Variants in UBN2 observed in about 807,000 individuals in gnomAD.
UBN2 encodes the protein ubinuclein 2, also known as ubinuclein-2.
A neutral mutation model predicts 120.2 loss-of-function variants in UBN2; 35 were observed. That is an observed-to-expected ratio of 0.29 (90% CI 0.22 to 0.39). The LOEUF is 0.39. Among genes scored for constraint, UBN2 ranks in the 10% least tolerant of loss-of-function variants. The probability of loss-of-function intolerance (pLI) is 1.00; values close to 1 mark genes in which losing one functional copy is unlikely to be tolerated. For missense variants in UBN2, 1,693 were observed against 1,663.2 expected (o/e 1.02, Z -0.31); for synonymous variants, 661 against 648.7 (o/e 1.02, Z -0.29).
At chr7:139,324,855 C>G in the UBN2 span, among the ~76,000 whole-genome samples, 1 of 151,934 alleles carries the variant, frequency 6.6e-6, no homozygotes, top group East Asian at 1.9e-4. Flanking sequence ...CCTGTAATGC[C>G]AGCTACTTGG....
In UBN2 at chr7:139,281,996, A is replaced by G. The variant is rs1280137933; in HGVS notation, c.2068-9A>G. On this transcript the variant is annotated splice_polypyrimidine_tract_variant and intron_variant, in intron 13 of 17. Coordinates refer to ENST00000473989, the MANE Select transcript of UBN2 (RefSeq NM_173569.4). ...GTATTCTTAACAGCTTGCTTATGTA[A>G]TACCTTAGGAGGTGATGGTAAAGAC... 3 of 1,612,832 alleles carry G rather than the reference A, an allele frequency of 1.9e-6. No homozygotes were observed. Among genetic ancestry groups the G allele is most frequent in the Non-Finnish European group, 2.5e-6 (3 of 1,179,166 alleles).
At chr7:139,323,555 G>GATTATT in the UBN2 span, among the ~76,000 whole-genome samples, 347 of 141,604 alleles carry the variant, frequency 2.5e-3, no homozygotes, top group East Asian at 3.9e-3. Flanking sequence ...TTCTGGACCT[G>GATTATT]ATTATTATTA....
At position 139,231,586 on chromosome 7, in the gene UBN2, G is replaced by GC. The variant is rs1796011084; in HGVS notation, c.109dup (p.Arg37ProfsTer81). The GC allele has an allele frequency of 5.6e-5, 78 of 1,391,872 alleles. No individual in the cohort carries two copies. Among genetic ancestry groups the GC allele is most frequent in the South Asian group, 1.9e-4 (12 of 63,586 alleles). The allele number at this position is 1,391,872 out of a possible 1,614,324, so 86.2% of individuals were successfully genotyped here. The stretch of plus-strand genomic sequence containing the variant: ...AGCGTGAGCCCGAGTACCCCCGCGA[G>GC]CCCCCCCGGCTGGAGCCGCAGCCGT... On this transcript the variant is annotated frameshift_variant, in exon 1 of 18. Coordinates refer to ENST00000473989, the MANE Select transcript of UBN2 (RefSeq NM_173569.4). LOFTEE classifies it high-confidence loss of function.
rs754737041 is a variant in UBN2 at position 139,283,977 on chromosome 7, G to T, written c.3072G>T (p.Thr1024=). The change falls in exon 15 of 18, where the codon ACG becomes ACT. Residue 1024 remains threonine, a synonymous_variant. Transcript: ENST00000473989. ...LAKAMVSQIS[T]QGFKSPFSMA... is the part of the protein sequence containing the mutation. The stretch of plus-strand genomic sequence containing the variant: ...AGGCTATGGTGTCACAGATCTCCAC[G>T]CAGGGTTTCAAATCTCCCTTCTCGA... 1 of 1,613,718 alleles carries T rather than the reference G, an allele frequency of 6.2e-7. No homozygotes were observed. The highest frequency in any genetic ancestry group is 2.2e-5 in the East Asian group (1 of 44,876).
At chr7:139,319,663 A>C in the UBN2 span, among the ~76,000 whole-genome samples, 2 of 152,124 alleles carry the variant, frequency 1.3e-5, no homozygotes, top group Non-Finnish European at 2.9e-5. Context: ...AGGGCAAACA[A>C]CACGTTCCTG....
In UBN2 at chr7:139,298,031, T is replaced by C; in HGVS notation, c.*195T>C. On this transcript the variant is annotated 3_prime_UTR_variant, in exon 18 of 18. Transcript: ENST00000473989. ...CAGGTGCAGGAGGAAGAAATGCTTT[T>C]GTGCAAAGTTAGTGACCTTTGGTCT... 2 of 586,580 alleles carry C rather than the reference T, an allele frequency of 3.4e-6. No individual in the cohort carries two copies. The allele number at this position is 586,580 out of a possible 1,614,324, so 36.3% of individuals were successfully genotyped here. A position where few individuals can be genotyped will look rare whatever the true frequency, so the allele number is the denominator to read the frequency against.
At chr7:139,316,947 T>TC in the UBN2 span, among the ~76,000 whole-genome samples, 1 of 151,790 alleles carries the variant, frequency 6.6e-6, no homozygotes, top group African/African-American at 2.4e-5. Context: ...CTTTTTTTTT[T>TC]CTTGAAATGG....
intron 6 of UBN2, among the ~76,000 whole-genome samples, chr7:139,262,539 T>C (rs554765910): frequency 6.6e-6 from 1 of 152,152 alleles, no homozygotes; most frequent in East Asian, 1.9e-4. Flanking sequence ...GGTGAAACCC[T>C]GTCTCTACTA....
Position 139,303,661 on chromosome 7 carries a change from G to A in UBN2, c.*5825G>A, listed in dbSNP as rs1473942054. On this transcript the variant is annotated 3_prime_UTR_variant, in exon 18 of 18. Transcript: ENST00000473989. Reference sequence around the variant, plus strand: ...AAAATATTTTGAGTTTTTGTAAAATGTCCTATATAATTAAAAATAGTATTA... The same window carrying A: ...AAAATATTTTGAGTTTTTGTAAAATATCCTATATAATTAAAAATAGTATTA... 1 of 152,092 alleles carries A rather than the reference G, an allele frequency of 6.6e-6. No individual in the cohort carries two copies. The highest frequency in any genetic ancestry group is 2.4e-5 in the African/African-American group (1 of 41,394). The allele number at this position is 152,092 out of a possible 1,614,324, so 9.4% of individuals were successfully genotyped here.
the UBN2 span, among the ~76,000 whole-genome samples, chr7:139,313,729 A>G: frequency 4.6e-5 from 7 of 152,086 alleles, no homozygotes; most frequent in African/African-American, 1.7e-4. Context: ...TTTGGTATAT[A>G]GTTTTTATGA....
chr7:139,247,772 C>T (rs1357926005), intron 2 of UBN2, among the ~76,000 whole-genome samples: 1 of 152,094 alleles, frequency 6.6e-6, no homozygotes, highest in African/African-American at 2.4e-5. Context: ...GTTAATTCCC[C>T]ATACTAGTAG....
Position 139,306,320 on chromosome 7 carries a change from A to C in UBN2, c.*8484A>C, listed in dbSNP as rs1263267567. ...TTTTTTGCTTATCCCTGCTGTTTGT[A>C]GGGTTAGTGTGCCCTCTGTCAGAAA... On this transcript the variant is annotated 3_prime_UTR_variant, in exon 18 of 18. Transcript: ENST00000473989. 1 of 152,150 alleles carries C rather than the reference A, an allele frequency of 6.6e-6. No homozygotes were observed. Among genetic ancestry groups the C allele is most frequent in the Non-Finnish European group, 1.5e-5 (1 of 68,030 alleles). 9.4% of individuals were successfully genotyped at this position (152,150 alleles called of 1,614,324 possible).
chr7:139,316,577 C>T, the UBN2 span, among the ~76,000 whole-genome samples: 1 of 152,106 alleles, frequency 6.6e-6, no homozygotes, highest in African/African-American at 2.4e-5. Context: ...AAACCTGTCT[C>T]TACTACAAAT....
At chr7:139,239,980 G>A (rs1371824173) in intron 2 of UBN2, among the ~76,000 whole-genome samples, 2 of 152,162 alleles carry the variant, frequency 1.3e-5, no homozygotes, top group Non-Finnish European at 2.9e-5. Flanking sequence ...CTACCTTAAA[G>A]TTAGCATTAA....
chr7:139,234,093 T>C (rs1037148169), intron 1 of UBN2, among the ~76,000 whole-genome samples: 2 of 152,128 alleles, frequency 1.3e-5, no homozygotes, highest in African/African-American at 4.8e-5. Flanking sequence ...TAAGTAAAAT[T>C]GTCATGGTTT....
intron 2 of UBN2, among the ~76,000 whole-genome samples, chr7:139,237,694 A>G (rs1796202414): frequency 6.6e-6 from 1 of 152,232 alleles, no homozygotes; most frequent in African/African-American, 2.4e-5. Context: ...TTCAAGATTA[A>G]GTAGCTGATA....
At position 139,269,514 on chromosome 7, in the gene UBN2, C is replaced by T. The variant is rs756111428; in HGVS notation, c.1587C>T (p.Leu529=). 8.7e-6 allele frequency: 14 copies of T among 1,613,854 alleles called. No homozygotes were observed. The highest frequency in any genetic ancestry group is 1.2e-5 in the Non-Finnish European group (14 of 1,179,984). The change falls in exon 8 of 18, where the codon CTC becomes CTT. Residue 529 remains leucine (L), a synonymous_variant. Coordinates refer to ENST00000473989, the MANE Select transcript of UBN2 (RefSeq NM_173569.4). Reference sequence around the variant, plus strand: ...TAAAACGTCTGAAGAAGTTACATCTCAATGTCCAGGTAAGAGGAAGAACAA... The same window carrying T: ...TAAAACGTCTGAAGAAGTTACATCTTAATGTCCAGGTAAGAGGAAGAACAA... ...TLVKRLKKLH[L]NVQDDRLREP...
rs558813380 is a variant in UBN2, at chr7:139,307,866, A to G, written c.*10030A>G. On this transcript the variant is annotated 3_prime_UTR_variant, in exon 18 of 18. Coordinates refer to ENST00000473989, the MANE Select transcript of UBN2 (RefSeq NM_173569.4). ...TTATCACTCCTTCCTAAGAAAAAAGAAGGGCAGGTAAATTTTTTTAACCAA... is the reference window on the plus strand; with the variant it reads ...TTATCACTCCTTCCTAAGAAAAAAGGAGGGCAGGTAAATTTTTTTAACCAA... The G allele has an allele frequency of 2.6e-4, 40 of 152,228 alleles. No individual in the cohort carries two copies. Among genetic ancestry groups the G allele is most frequent in the Middle Eastern group, 3.4e-3 (1 of 294 alleles). The allele number at this position is 152,228 out of a possible 1,614,324, so 9.4% of individuals were successfully genotyped here. A position where few individuals can be genotyped will look rare whatever the true frequency, so the allele number is the denominator to read the frequency against.
chr7:139,242,976 G>C (rs920850549), intron 2 of UBN2, among the ~76,000 whole-genome samples: 4 of 152,182 alleles, frequency 2.6e-5, no homozygotes, highest in Non-Finnish European at 4.4e-5. Flanking sequence ...TATAGGACTG[G>C]TGTGTTTTTT....
Sources: allele counts gnomAD v4.1 joint callset (sites outside exome capture counted in the v4.1 genomes callset), GRCh38; gene constraint gnomAD v4.1.1; transcripts MANE v1.5; gene names NCBI Gene and HGNC (gene_info 2026-07-23, HGNC 2026-07-21).